The following VTA1 variants were observed in gnomAD, a reference collection of about 807,000 sequenced individuals.
VTA1 encodes vacuolar protein sorting-associated protein VTA1 homolog.
In VTA1, 24 loss-of-function variants were observed where a neutral mutation model predicts 36.9. The observed-to-expected ratio is 0.65, with a 90% CI of 0.47 to 0.91. VTA1 has a LOEUF of 0.91. Ranked by LOEUF, VTA1 falls within the 40% of genes least tolerant of loss-of-function variation. The pLI is 0.00. For missense variants in VTA1, 393 were observed against 377.2 expected (o/e 1.04, Z -0.35); for synonymous variants, 142 against 130.2 (o/e 1.09, Z -0.62).
chr6:142,194,079 G>A (rs1037145981), intron 5 of VTA1, among the ~76,000 whole-genome samples: 1 of 152,062 alleles, frequency 6.6e-6, no homozygotes, highest in Non-Finnish European at 1.5e-5. Context: ...TATGGGGCAT[G>A]TCAAGATATT....
At chr6:142,148,012 T>C (rs1778488770) in intron 1 of VTA1, among the ~76,000 whole-genome samples, 2 of 152,320 alleles carry the variant, frequency 1.3e-5, no homozygotes, top group Non-Finnish European at 2.9e-5. Flanking sequence ...TATTTTCACT[T>C]TGAGTGTTAT....
intron 7 of VTA1, among the ~76,000 whole-genome samples, chr6:142,210,388 A>G (rs937593635): frequency 2.0e-5 from 3 of 152,194 alleles, no homozygotes; most frequent in African/African-American, 7.2e-5. Context: ...TGTGTGTAAG[A>G]CCTCGAAAGC....
At chr6:142,215,509 A>C (rs1436593894) in intron 7 of VTA1, among the ~76,000 whole-genome samples, 1 of 152,174 alleles carries the variant, frequency 6.6e-6, no homozygotes, top group African/African-American at 2.4e-5. Context: ...AGCACTTGAC[A>C]TAATGAAATT....
chr6:142,183,349 T>A (rs985598601), intron 4 of VTA1, among the ~76,000 whole-genome samples: 1 of 152,152 alleles, frequency 6.6e-6, no homozygotes, highest in Non-Finnish European at 1.5e-5. Flanking sequence ...TTATATCAAA[T>A]TTTTCATAGC....
At chr6:142,204,856 C>G (rs753679487) in intron 7 of VTA1, among the ~76,000 whole-genome samples, 1 of 150,928 alleles carries the variant, frequency 6.6e-6, no homozygotes, top group East Asian at 1.9e-4. Context: ...TCCCCAGTAG[C>G]TGGGACTACA....
rs376626624 is a variant in VTA1, at chr6:142,218,507, G to T, written c.788G>T (p.Arg263Leu). The change falls in exon 8 of 8, where the codon CGT (arginine) becomes CTT (leucine). Residue 263 changes from arginine to leucine, a missense_variant. By Grantham distance (102) the Arg-to-Leu change is moderately radical. Coordinates refer to ENST00000367630, the MANE Select transcript of VTA1 (RefSeq NM_016485.5). ...GTTCTTTTTCTTCTAGGGGATGTTC[G>T]TCTAACCCCAGAAGACTTTGCTAGA... ...LFNTISQGDVRLTPEDFARAQ... is the reference protein window; with the variant it reads ...LFNTISQGDVLLTPEDFARAQ... 4 of 1,612,452 alleles carry T rather than the reference G, an allele frequency of 2.5e-6. No homozygotes were observed. The highest frequency in any genetic ancestry group is 2.2e-5 in the East Asian group (1 of 44,812).
intron 7 of VTA1, among the ~76,000 whole-genome samples, chr6:142,208,009 C>A (rs1775827549): frequency 6.6e-6 from 1 of 150,444 alleles, no homozygotes. Flanking sequence ...ATCGCTTGAA[C>A]CTGGGAGGCG....
intron 2 of VTA1, among the ~76,000 whole-genome samples, chr6:142,168,081 A>T (rs1265696748): frequency 6.6e-6 from 1 of 152,194 alleles, no homozygotes. Flanking sequence ...TTCCATGGTA[A>T]GGGCACACTG....
intron 5 of VTA1, among the ~76,000 whole-genome samples, chr6:142,193,521 A>T (rs553708251): frequency 4.6e-5 from 7 of 152,224 alleles, no homozygotes; most frequent in Admixed American, 3.3e-4. Context: ...TATCATAAGG[A>T]TGGACTTTCC....
At chr6:142,204,710 A>T (rs1455423654) in intron 7 of VTA1, among the ~76,000 whole-genome samples, 5 of 84,116 alleles carry the variant, frequency 5.9e-5, no homozygotes, top group Admixed American at 1.2e-4. Context: ...ATTTAAATTT[A>T]AATCCTTTTA....
intron 4 of VTA1, among the ~76,000 whole-genome samples, chr6:142,188,112 T>C (rs1775379945): frequency 6.6e-6 from 1 of 151,564 alleles, no homozygotes; most frequent in Non-Finnish European, 1.5e-5. Flanking sequence ...TTTCACCATA[T>C]TGGCCAGGCT....
At chr6:142,189,938 T>C (rs984438823) in intron 5 of VTA1, among the ~76,000 whole-genome samples, 19 of 152,086 alleles carry the variant, frequency 1.2e-4, no homozygotes, top group Non-Finnish European at 2.6e-4. Context: ...TTTGTACTTT[T>C]AGTAGAGACG....
chr6:142,184,345 C>G (rs970656404), intron 4 of VTA1, among the ~76,000 whole-genome samples: 12 of 152,246 alleles, frequency 7.9e-5, no homozygotes, highest in Admixed American at 7.2e-4. Flanking sequence ...AATGACATTT[C>G]TTCATCTCTA....
intron 7 of VTA1, 116 bp from the exon 8 acceptor site, chr6:142,218,382 T>C (rs1776041279): frequency 2.8e-6 from 3 of 1,067,126 alleles, no homozygotes; most frequent in African/African-American, 3.3e-5. Context: ...TGACTAAAAC[T>C]ACTGTTTTTA....
chr6:142,169,423 T>C, intron 2 of VTA1, 127 bp from the exon 3 acceptor site: 1 of 1,105,038 alleles, frequency 9.0e-7, no homozygotes, highest in Non-Finnish European at 1.3e-6. Context: ...CAAGATTTCA[T>C]TGATGACATC....
Position 142,221,407 on chromosome 6 carries a change from G to A in VTA1, c.*2764G>A, listed in dbSNP as rs898121961. ...ATGCAGATACATACATGGAGGAAGA[G>A]CATTCCCAACAGGTAGACAGAAATC... On this transcript the variant is annotated 3_prime_UTR_variant, in exon 8 of 8. Coordinates refer to ENST00000367630, the MANE Select transcript of VTA1 (RefSeq NM_016485.5). The A allele has an allele frequency of 3.9e-5, 6 of 152,322 alleles. No individual in the cohort carries two copies. The highest frequency in any genetic ancestry group is 5.9e-5 in the Non-Finnish European group (4 of 68,044). The allele number at this position is 152,322 out of a possible 1,614,324, so 9.4% of individuals were successfully genotyped here.
chr6:142,158,897 C>T (rs921185689), intron 1 of VTA1, among the ~76,000 whole-genome samples: 2 of 152,150 alleles, frequency 1.3e-5, no homozygotes, highest in Admixed American at 6.5e-5. Flanking sequence ...CTTTTCCCCT[C>T]TCATATCCTT....
chr6:142,208,880 G>A (rs565174260), intron 7 of VTA1, among the ~76,000 whole-genome samples: 1 of 152,280 alleles, frequency 6.6e-6, no homozygotes, highest in South Asian at 2.1e-4. Flanking sequence ...TGCAAGAAAA[G>A]CTAAGGGGAG....
Position 142,165,973 on chromosome 6 carries a change from T to C in VTA1, c.113-255T>C, listed in dbSNP as rs1435544489. ...TGCCTTTGACAGCTTAGGACATACC[T>C]AGTCCTCTTTTTTTTTTTTTTTAAC... On this transcript the variant is annotated intron_variant, in intron 1 of 7. Transcript: ENST00000367630. Among the ~76,000 whole-genome samples, 7 of 149,844 alleles carry C rather than the reference T, an allele frequency of 4.7e-5. No homozygotes were observed. The South Asian group carries it at 1.5e-3, about 31-fold the overall frequency.
Sources: gnomAD v4.1 joint callset for allele counts (sites outside exome capture counted in the v4.1 genomes callset) on GRCh38, gnomAD v4.1.1 for gene constraint, MANE v1.5 for transcripts, NCBI Gene and HGNC (gene_info 2026-07-23, HGNC 2026-07-21) for gene names.